Variants in EIF2B1 observed in about 807,000 individuals in gnomAD.
The protein encoded by EIF2B1 is eukaryotic translation initiation factor 2B subunit alpha.
A neutral mutation model predicts 36.8 loss-of-function variants in EIF2B1; 30 were observed. That is an observed-to-expected ratio of 0.81 (90% CI 0.61 to 1.10). The LOEUF (loss-of-function observed/expected upper bound fraction) is 1.10. Among genes scored for constraint, EIF2B1 ranks in the 50% least tolerant of loss-of-function variants. The probability of loss-of-function intolerance (pLI) is 0.00; values close to 1 mark genes in which losing one functional copy is unlikely to be tolerated. For missense variants in EIF2B1, 271 were observed against 374.8 expected (o/e 0.72, Z 2.29); for synonymous variants, 139 against 142.2 (o/e 0.98, Z 0.16).
chr12:123,629,122 G>A (rs1204793095), intron 4 of EIF2B1, among the ~76,000 whole-genome samples: 4 of 152,102 alleles, frequency 2.6e-5, no homozygotes, highest in Admixed American at 2.0e-4. Context: ...TTCAAAGGTT[G>A]GGAAGGGGCT....
At position 123,622,725 on chromosome 12, in the gene EIF2B1, G is replaced by A; in HGVS notation, c.664C>T (p.Gln222Ter). Residue 222 changes from glutamine (Q) to a stop codon, truncating the protein, a stop_gained, in exon 8 of 9, where the codon CAG becomes TAG. Transcript: ENST00000424014. LOFTEE classifies it high-confidence loss of function. ...GCAACCACATAGAAAGGTTTGTTCT[G>A]TGCTTTGGCACACACAGCCATCTGG... is the stretch of plus-strand genomic sequence containing the variant. ...TNQMAVCAKA[Q>*]NKPFYVVAES... The A allele has an allele frequency of 6.2e-7, 1 of 1,614,156 alleles. No individual in the cohort carries two copies. Among genetic ancestry groups the A allele is most frequent in the Non-Finnish European group, 8.5e-7 (1 of 1,180,000 alleles).
chr12:123,622,058 A>C, intron 8 of EIF2B1, 138 bp from the exon 9 acceptor site: 2 of 1,238,898 alleles, frequency 1.6e-6, no homozygotes, highest in Non-Finnish European at 2.3e-6. Flanking sequence ...GCAGGACACT[A>C]GAGACGAGGG....
chr12:123,622,877 A>C (rs1222600446), intron 7 of EIF2B1, 116 bp from the exon 8 acceptor site: 1 of 1,502,752 alleles, frequency 6.7e-7, no homozygotes, highest in Admixed American at 1.7e-5. Context: ...TGGGAGGCCG[A>C]GGTGGGTGGA....
At chr12:123,625,262 C>T (rs1013124084) in intron 6 of EIF2B1, among the ~76,000 whole-genome samples, 3 of 147,640 alleles carry the variant, frequency 2.0e-5, no homozygotes, top group African/African-American at 7.4e-5. Context: ...AAAAATCTTT[C>T]TTTTTTTTTT....
At position 123,621,333 on chromosome 12, in the gene EIF2B1, C is replaced by T. The variant is rs951225305; in HGVS notation, c.*423G>A. ...GTTTCTTGCCTCTTACAAGGCACCGCGTGTAACGTCCTGACCAGCTGTTGG... is the reference window on the plus strand; with the variant it reads ...GTTTCTTGCCTCTTACAAGGCACCGTGTGTAACGTCCTGACCAGCTGTTGG... On this transcript the variant is annotated 3_prime_UTR_variant, in exon 9 of 9. Transcript: ENST00000424014. The T allele has an allele frequency of 3.5e-5, 10 of 288,586 alleles. No homozygotes were observed. The highest frequency in any genetic ancestry group is 1.7e-4 in the South Asian group (5 of 29,544). The allele number at this position is 288,586 out of a possible 1,614,324, so 17.9% of individuals were successfully genotyped here.
At chr12:123,624,144 A>ATG (rs1011501784) in intron 7 of EIF2B1, among the ~76,000 whole-genome samples, 4 of 149,624 alleles carry the variant, frequency 2.7e-5, no homozygotes, top group Non-Finnish European at 5.9e-5. Context: ...TATATATATT[A>ATG]TGTGTGTGTA....
chr12:123,622,694 C>T lies in EIF2B1; in HGVS notation c.695G>A (p.Ser232Asn). 6.2e-7 allele frequency: 1 copy of T among 1,614,228 alleles called. No homozygotes were observed. Among genetic ancestry groups the T allele is most frequent in the East Asian group, 2.2e-5 (1 of 44,886 alleles). Residue 232 changes from serine (S) to asparagine (N), a missense_variant, in exon 8 of 9, where the codon AGT becomes AAT. By Grantham distance (46) the Ser-to-Asn change is conservative. Coordinates refer to ENST00000424014, the MANE Select transcript of EIF2B1 (RefSeq NM_001414.4). ...TGGAAAGAGCCGGACAAACTTGAAA[C>T]TTTCTGCAACCACATAGAAAGGTTT... ...QNKPFYVVAE[S>N]FKFVRLFPLN...
Position 123,624,833 on chromosome 12 carries a change from A to G in EIF2B1, c.581T>C (p.Ile194Thr). 1.2e-6 allele frequency: 2 copies of G among 1,614,058 alleles called. No homozygotes were observed. Among genetic ancestry groups the G allele is most frequent in the Non-Finnish European group, 1.7e-6 (2 of 1,179,982 alleles). ...TTCAACAACTCCTTCAGCACCAACT[A>G]TGACAAGATCTGCTTTCTCCATGAT... ...GYIMEKADLV[I>T]VGAEGVVENG... is the part of the protein sequence containing the mutation. Residue 194 changes from isoleucine (I) to threonine (T), a missense_variant, in exon 7 of 9, where the codon ATA (isoleucine) becomes ACA (threonine). Physicochemically the swap from Ile to Thr is moderately conservative, Grantham distance 89. Transcript: ENST00000424014.
intron 1 of EIF2B1, among the ~76,000 whole-genome samples, chr12:123,632,717 C>T (rs1006129950): frequency 2.6e-5 from 4 of 151,794 alleles, no homozygotes; most frequent in Non-Finnish European, 4.4e-5. Flanking sequence ...GAGTCCGAGG[C>T]GGGCGGATCA....
intron 7 of EIF2B1, among the ~76,000 whole-genome samples, chr12:123,623,988 G>T (rs573560315): frequency 7.9e-5 from 12 of 151,704 alleles, no homozygotes; most frequent in African/African-American, 2.4e-4. Flanking sequence ...AGTAAGCTAT[G>T]ATCACTGTAC....
intron 2 of EIF2B1, among the ~76,000 whole-genome samples, chr12:123,631,146 T>G (rs1955183851): frequency 6.6e-6 from 1 of 152,170 alleles, no homozygotes; most frequent in Admixed American, 6.5e-5. Flanking sequence ...AATAAACACT[T>G]ATAAAGCTGA....
Position 123,630,154 on chromosome 12 carries a change from T to A in EIF2B1, c.369+15A>T, listed in dbSNP as rs553282463. The A allele has an allele frequency of 1.9e-6, 3 of 1,610,694 alleles. No individual in the cohort carries two copies. Among genetic ancestry groups the A allele is most frequent in the Non-Finnish European group, 8.5e-7 (1 of 1,177,330 alleles). On this transcript the variant is annotated intron_variant, in intron 4 of 8. Coordinates refer to ENST00000424014, the MANE Select transcript of EIF2B1 (RefSeq NM_001414.4). The surrounding 1 kb of genome is among the most constrained non-coding windows in gnomAD (Gnocchi z 4.6). Reference sequence around the variant, plus strand: ...CCGTTGCTCCTCCTTACCACCATGATGATTATCCACTCACCGCTCCATCTT... The same window carrying A: ...CCGTTGCTCCTCCTTACCACCATGAAGATTATCCACTCACCGCTCCATCTT...
intron 6 of EIF2B1, chr12:123,626,089 T>C (rs1294227338): frequency 3.1e-6 from 1 of 327,162 alleles, no homozygotes; most frequent in Non-Finnish European, 5.9e-6. Flanking sequence ...ACCAAGATCA[T>C]GCCATTGCAC....
intron 5 of EIF2B1, 73 bp from the exon 6 acceptor site, chr12:123,626,566 G>A: frequency 2.6e-6 from 4 of 1,540,046 alleles, no homozygotes; most frequent in Non-Finnish European, 2.7e-6. Context: ...ACCTAATGTG[G>A]ACAGTGGATG....
intron 4 of EIF2B1, 93 bp from the exon 5 acceptor site, chr12:123,627,249 A>T (rs1323882297): frequency 1.1e-6 from 1 of 924,958 alleles, no homozygotes; most frequent in Non-Finnish European, 1.8e-6. Context: ...CACCCTAAGC[A>T]TCTCTGTACA....
Position 123,622,764 on chromosome 12 carries a change from G to A in EIF2B1, c.628-3C>T, listed in dbSNP as rs770898672. On this transcript the variant is annotated splice_polypyrimidine_tract_variant and splice_region_variant and intron_variant, in intron 7 of 8. Transcript: ENST00000424014. ...ACAGCCATCTGGTTGGTTCCAATCTGGGAAGGCAGAAAATGGAATGGATGA... is the reference window on the plus strand; with the variant it reads ...ACAGCCATCTGGTTGGTTCCAATCTAGGAAGGCAGAAAATGGAATGGATGA... 9 of 1,613,636 alleles carry A rather than the reference G, an allele frequency of 5.6e-6. No individual in the cohort carries two copies. The highest frequency in any genetic ancestry group is 5.0e-5 in the Admixed American group (3 of 59,976).
At chr12:123,633,272 T>C (rs535514354) in intron 1 of EIF2B1, among the ~76,000 whole-genome samples, 1 of 150,040 alleles carries the variant, frequency 6.7e-6, no homozygotes, top group African/African-American at 2.5e-5. Context: ...CCTTATTCAT[T>C]CTAATTTTAA....
intron 8 of EIF2B1, 96 bp downstream of exon 8, chr12:123,622,540 A>T: frequency 6.5e-7 from 1 of 1,531,564 alleles, no homozygotes; most frequent in Non-Finnish European, 9.0e-7. Flanking sequence ...AAGTAGCAAT[A>T]GGAAGTGAAA....
At chr12:123,624,636 T>TA (rs1955134613) in intron 7 of EIF2B1, 151 bp downstream of exon 7, 3 of 719,492 alleles carry the variant, frequency 4.2e-6, no homozygotes, top group South Asian at 1.5e-5. Flanking sequence ...TGCTATGACT[T>TA]ACGGGAAATG....
Sources: gnomAD v4.1 joint callset for allele counts (sites outside exome capture counted in the v4.1 genomes callset) on GRCh38, gnomAD v4.1.1 for gene constraint, Gnocchi (gnomAD v3.1) non-coding constraint, MANE v1.5 for transcripts, NCBI Gene and HGNC (gene_info 2026-07-23, HGNC 2026-07-21) for gene names.